The following OTOGL variants were observed in gnomAD, a reference collection of about 807,000 sequenced individuals.
OTOGL encodes otogelin like, also known as otogelin-like protein.
OTOGL carries 285 observed loss-of-function variants against 318.5 expected under a neutral mutation model. The ratio of observed to expected loss-of-function variants is 0.89; its 90% confidence interval spans 0.81 to 0.99. The LOEUF (loss-of-function observed/expected upper bound fraction) is 0.99, where lower values mean the gene tolerates loss of function less well. Among genes scored for constraint, OTOGL ranks in the 50% least tolerant of loss-of-function variants. The pLI, the probability that OTOGL is intolerant of heterozygous loss-of-function variation, is 0.00. For synonymous variants in OTOGL, 987 were observed against 936.5 expected (o/e 1.05, Z -0.99); for missense variants, 2,899 against 2,845.6 (o/e 1.02, Z -0.43).
At chr12:80,142,393 CAT>C (rs1444931179) in intron 1 of OTOGL, among the ~76,000 whole-genome samples, 1 of 152,134 alleles carries the variant, frequency 6.6e-6, no homozygotes, top group Non-Finnish European at 1.5e-5. Context: ...TTTGAAGAAA[CAT>C]AGTGAAAGTT....
intron 1 of OTOGL, among the ~76,000 whole-genome samples, chr12:80,207,059 A>T (rs1477391439): frequency 2.0e-5 from 3 of 150,268 alleles, no homozygotes; most frequent in Non-Finnish European, 4.4e-5. Context: ...TAATTTTCAC[A>T]TGACTTTACA....
At chr12:80,276,826 A>G (rs1883844762) in intron 24 of OTOGL, among the ~76,000 whole-genome samples, 1 of 151,666 alleles carries the variant, frequency 6.6e-6, no homozygotes, top group African/African-American at 2.4e-5. Flanking sequence ...CAAGATATTT[A>G]TGGTCCTCTC....
At chr12:80,322,045 G>T (rs1482936015) in intron 34 of OTOGL, among the ~76,000 whole-genome samples, 1 of 152,206 alleles carries the variant, frequency 6.6e-6, no homozygotes, top group African/African-American at 2.4e-5. Flanking sequence ...AGGACATCCT[G>T]TTGGGAATGG....
Position 80,379,276 on chromosome 12 carries a change from A to G in OTOGL, c.*1228A>G, listed in dbSNP as rs1251334936. The G allele has an allele frequency of 6.6e-6, 1 of 152,048 alleles. No homozygotes were observed. The highest frequency in any genetic ancestry group is 1.5e-5 in the Non-Finnish European group (1 of 67,894). The allele number at this position is 152,048 out of a possible 1,614,324, so 9.4% of individuals were successfully genotyped here. A position where few individuals can be genotyped will look rare whatever the true frequency, so the allele number is the denominator to read the frequency against. On this transcript the variant is annotated 3_prime_UTR_variant, in exon 59 of 59. Transcript: ENST00000547103. Reference sequence around the variant, plus strand: ...TTGTATCAAGTGAAGTCAAACATCAACAAAAGAACAGTAAAGTCTCATTGC... The same window carrying G: ...TTGTATCAAGTGAAGTCAAACATCAGCAAAAGAACAGTAAAGTCTCATTGC...
At chr12:80,217,116 T>C (rs1324435329) in intron 4 of OTOGL, among the ~76,000 whole-genome samples, 1 of 152,184 alleles carries the variant, frequency 6.6e-6, no homozygotes, top group Non-Finnish European at 1.5e-5. Flanking sequence ...GACATCACCA[T>C]CTGTTGGTCT....
In OTOGL at chr12:80,217,651, G is replaced by T; in HGVS notation, c.222G>T (p.Glu74Asp). The T allele has an allele frequency of 6.5e-7, 1 of 1,546,172 alleles. No homozygotes were observed. The highest frequency in any genetic ancestry group is 8.8e-7 in the Non-Finnish European group (1 of 1,142,040). Residue 74 changes from glutamate (E) to aspartate (D), a missense_variant, in exon 5 of 59, where the codon GAG becomes GAT. Glu to Asp is a conservative substitution (Grantham distance 45). Transcript: ENST00000547103. Reference sequence around the variant, plus strand: ...TCCATGATGCTATTAATTGGGGTGAGAGCAAAATAAAAGGTCAGTGTTTAT... The same window carrying T: ...TCCATGATGCTATTAATTGGGGTGATAGCAAAATAAAAGGTCAGTGTTTAT... Reference protein sequence around the residue: ...YFFHDAINWGESKIKGSCPYE... With the variant: ...YFFHDAINWGDSKIKGSCPYE...
chr12:80,231,793 C>A (rs935080957), intron 8 of OTOGL, among the ~76,000 whole-genome samples: 1 of 151,042 alleles, frequency 6.6e-6, no homozygotes, highest in Non-Finnish European at 1.5e-5. Flanking sequence ...TGCACCATGA[C>A]CAACTAATTT....
chr12:80,165,807 A>G lies in OTOGL; in HGVS notation c.-19-43606A>G, dbSNP rs187672087. ...AGGCCTAAATGTAGTAATAGCTTCC[A>G]CTGTTGCCAGTCCTGAGGTGCTTCA... On this transcript the variant is annotated intron_variant, in intron 1 of 58. Transcript: ENST00000547103. Among the ~76,000 whole-genome samples, 955 of 152,236 alleles carry G rather than the reference A, an allele frequency of 6.3e-3. 15 individuals carry two copies. The highest frequency in any genetic ancestry group is 5.9e-3 in the Non-Finnish European group (403 of 68,008).
chr12:80,164,489 A>C (rs1435389958), intron 1 of OTOGL, among the ~76,000 whole-genome samples: 1 of 152,098 alleles, frequency 6.6e-6, no homozygotes, highest in Non-Finnish European at 1.5e-5. Context: ...TTTTACTAGG[A>C]ATTTGTTTCA....
intron 9 of OTOGL, among the ~76,000 whole-genome samples, chr12:80,236,779 G>A (rs1046141507): frequency 6.9e-6 from 1 of 145,460 alleles, no homozygotes; most frequent in Non-Finnish European, 1.5e-5. Context: ...GATTCTTTTC[G>A]TTTTTGTTTT....
Position 80,320,824 on chromosome 12 carries a change from G to A in OTOGL, c.4081+124G>A. 2.9e-6 allele frequency: 3 copies of A among 1,021,916 alleles called. No individual in the cohort carries two copies. The East Asian group carries it at 7.9e-5, about 27-fold the overall frequency. 63.3% of individuals were successfully genotyped at this position (1,021,916 alleles called of 1,614,324 possible). ...AGCAGATAGACTTTTATGACCTTAA[G>A]TAAGTGTCTTAACCTCTATACCCCT... On this transcript the variant is annotated intron_variant, in intron 34 of 58. Coordinates refer to ENST00000547103, the MANE Select transcript of OTOGL (RefSeq NM_001378609.3).
intron 11 of OTOGL, among the ~76,000 whole-genome samples, chr12:80,242,133 G>C (rs536388012): frequency 2.0e-5 from 3 of 152,244 alleles, no homozygotes; most frequent in African/African-American, 7.2e-5. Context: ...AAAGGAGAAG[G>C]GGGAACTGGA....
In OTOGL at chr12:80,333,066, C is replaced by A; in HGVS notation, c.4410C>A (p.Gly1470=). The A allele has an allele frequency of 6.3e-7, 1 of 1,597,570 alleles. No individual in the cohort carries two copies. The highest frequency in any genetic ancestry group is 8.5e-7 in the Non-Finnish European group (1 of 1,169,974). ...TVFDMLTPTT[G]LECEPQKFDP... Reference sequence around the variant, plus strand: ...TTGATATGCTAACACCAACTACAGGCTTGGAATGTGAGGTATGACTGAGCA... The same window carrying A: ...TTGATATGCTAACACCAACTACAGGATTGGAATGTGAGGTATGACTGAGCA... The change falls in exon 38 of 59, where the codon GGC becomes GGA. Residue 1470 remains glycine, a synonymous_variant. Transcript: ENST00000547103.
At chr12:80,278,601 A>G (rs892311585) in intron 25 of OTOGL, among the ~76,000 whole-genome samples, 2 of 151,604 alleles carry the variant, frequency 1.3e-5, no homozygotes, top group Admixed American at 1.3e-4. Context: ...GTTTCAAGGT[A>G]AGTCAAAAGA....
chr12:80,102,499 C>A (rs1292713372), intron 1 of OTOGL, among the ~76,000 whole-genome samples: 1 of 152,124 alleles, frequency 6.6e-6, no homozygotes, highest in South Asian at 2.1e-4. Flanking sequence ...TTACCAAGTC[C>A]CGTTGATTTT....
chr12:80,130,556 G>A (rs1418615195), intron 1 of OTOGL, among the ~76,000 whole-genome samples: 1 of 152,200 alleles, frequency 6.6e-6, no homozygotes, highest in Non-Finnish European at 1.5e-5. Flanking sequence ...ATGGAAGTCA[G>A]GGGACTAGGG....
At chr12:80,248,835 C>T (rs1436477421) in intron 11 of OTOGL, among the ~76,000 whole-genome samples, 1 of 139,580 alleles carries the variant, frequency 7.2e-6, no homozygotes, top group Non-Finnish European at 1.5e-5. Flanking sequence ...TTCACATAGT[C>T]CCATATTTCT....
At chr12:80,267,352 GT>G in intron 22 of OTOGL, 25 bp downstream of exon 22, 1 of 1,374,368 alleles carries the variant, frequency 7.3e-7, no homozygotes, top group Non-Finnish European at 9.9e-7. Flanking sequence ...TGGGGATTGT[GT>G]TTGACAAATG....
intron 1 of OTOGL, among the ~76,000 whole-genome samples, chr12:80,133,954 A>G (rs1351850934): frequency 6.6e-6 from 1 of 152,142 alleles, no homozygotes; most frequent in Non-Finnish European, 1.5e-5. Flanking sequence ...AACAAAAACA[A>G]AAACAAAAAA....
Sources: gnomAD v4.1 joint callset for allele counts (sites outside exome capture counted in the v4.1 genomes callset) on GRCh38, gnomAD v4.1.1 for gene constraint, MANE v1.5 for transcripts, NCBI Gene and HGNC (gene_info 2026-07-23, HGNC 2026-07-21) for gene names.